Variants in SNRNP200 observed in about 807,000 individuals in gnomAD.
SNRNP200 encodes the protein U5 small nuclear ribonucleoprotein 200 kDa helicase.
SNRNP200 carries 66 observed loss-of-function variants against 255.2 expected under a neutral mutation model. The observed-to-expected ratio is 0.26, with a 90% CI of 0.21 to 0.32. The LOEUF (loss-of-function observed/expected upper bound fraction) is 0.32. SNRNP200 is among the 10% of genes least tolerant of loss of function. The probability of loss-of-function intolerance (pLI) is 1.00; values close to 1 mark genes in which losing one functional copy is unlikely to be tolerated. For synonymous variants in SNRNP200, 939 were observed against 1,027.8 expected (o/e 0.91, Z 1.65); for missense variants, 1,585 against 2,749.8 (o/e 0.58, Z 9.47).
chr2:96,279,342 G>A, intron 36 of SNRNP200, 109 bp downstream of exon 36: 1 of 797,068 alleles, frequency 1.3e-6, no homozygotes, highest in Non-Finnish European at 2.1e-6. Context: ...GTAAATAAGA[G>A]AGGCAGAAGT....
chr2:96,277,422 G>A lies in SNRNP200; in HGVS notation c.5931+117C>T, dbSNP rs1379570960. ...AGCATCTCAACAGGGAGCACCTTCG[G>A]AGGAACCATAACTAAAAGTTTAACT... is the stretch of plus-strand genomic sequence containing the variant. On this transcript the variant is annotated intron_variant, in intron 41 of 44. Transcript: ENST00000323853. This position sits in a 1 kb window ranked among gnomAD's most constrained non-coding sequence, Gnocchi z 4.4. 4.4e-6 allele frequency: 6 copies of A among 1,369,528 alleles called. No individual in the cohort carries two copies. In the East Asian group the frequency reaches 1.1e-4, roughly 26 times the overall value. 84.8% of individuals were successfully genotyped at this position (1,369,528 alleles called of 1,614,324 possible).
Position 96,296,644 on chromosome 2 carries a change from A to G in SNRNP200, c.1563T>C (p.Ile521=). 6.2e-7 allele frequency: 1 copy of G among 1,613,966 alleles called. No individual in the cohort carries two copies. The highest frequency in any genetic ancestry group is 8.5e-7 in the Non-Finnish European group (1 of 1,180,000). The change falls in exon 13 of 45, where the codon ATT becomes ATC. Residue 521 remains isoleucine (I), a synonymous_variant. Transcript: ENST00000323853. ...TGCCGTCCATGTTTATGTGTTTCCCAATCTCTCGGAGCATGCACATCAGGG... is the reference window on the plus strand; with the variant it reads ...TGCCGTCCATGTTTATGTGTTTCCCGATCTCTCGGAGCATGCACATCAGGG... ...NVALMCMLRE[I]GKHINMDGTI...
Position 96,287,801 on chromosome 2 carries a change from C to G in SNRNP200, c.3365+62G>C. ...CAGATGCACCCTGAGGCTTTCCCAT[C>G]AGACCCTTGGGTTGGGGACCCCCAC... On this transcript the variant is annotated intron_variant, in intron 25 of 44. Coordinates refer to ENST00000323853, the MANE Select transcript of SNRNP200 (RefSeq NM_014014.5). The surrounding 1 kb of genome is among the most constrained non-coding windows in gnomAD (Gnocchi z 5.7). 7.1e-7 allele frequency: 1 copy of G among 1,402,768 alleles called. No homozygotes were observed. Among genetic ancestry groups the G allele is most frequent in the Non-Finnish European group, 1.0e-6 (1 of 987,164 alleles). 86.9% of individuals were successfully genotyped at this position (1,402,768 alleles called of 1,614,324 possible).
rs748815939 is a variant in SNRNP200, at chr2:96,277,281, G to A, written c.5932-40C>T. The A allele has an allele frequency of 3.7e-6, 6 of 1,608,998 alleles. No individual in the cohort carries two copies. The South Asian group carries it at 4.4e-5, about 12-fold the overall frequency. On this transcript the variant is annotated intron_variant, in intron 41 of 44. Coordinates refer to ENST00000323853, the MANE Select transcript of SNRNP200 (RefSeq NM_014014.5). The surrounding 1 kb of genome is among the most constrained non-coding windows in gnomAD (Gnocchi z 4.4). ...CAGACGTCAGGAAAGAGAGAACACG[G>A]GCCAACAGCAAATGACACAGGCAGC...
At position 96,291,343 on chromosome 2, in the gene SNRNP200, T is replaced by G. The variant is rs1478471411; in HGVS notation, c.2421+49A>C. ...TGGCACAAACTTGACATTGCCCATC[T>G]TCTGAAGTATGTCCCACCTGCTCCT... On this transcript the variant is annotated intron_variant, in intron 18 of 44. Coordinates refer to ENST00000323853, the MANE Select transcript of SNRNP200 (RefSeq NM_014014.5). This position sits in a 1 kb window ranked among gnomAD's most constrained non-coding sequence, Gnocchi z 4.2. The G allele has an allele frequency of 9.6e-7, 1 of 1,043,120 alleles. No individual in the cohort carries two copies. Among genetic ancestry groups the G allele is most frequent in the African/African-American group, 1.6e-5 (1 of 64,246 alleles). The allele number at this position is 1,043,120 out of a possible 1,614,324, so 64.6% of individuals were successfully genotyped here.
chr2:96,280,631 C>T (rs1347808567), intron 35 of SNRNP200, among the ~76,000 whole-genome samples: 5 of 151,980 alleles, frequency 3.3e-5, no homozygotes, highest in African/African-American at 1.2e-4. Flanking sequence ...CTCACTGCAA[C>T]CTCCGCCTCC....
rs1684691120 is a variant in SNRNP200, at chr2:96,277,718, G to A, written c.5755-3C>T. 6.2e-7 allele frequency: 1 copy of A among 1,614,012 alleles called. No individual in the cohort carries two copies. The highest frequency in any genetic ancestry group is 1.3e-5 in the African/African-American group (1 of 74,932). The stretch of plus-strand genomic sequence containing the variant: ...CAGGCCTGGATGAGCCGGATTGCCT[G>A]AACAGGAAAAGGAGTATAAAAGTGG... On this transcript the variant is annotated splice_polypyrimidine_tract_variant and splice_region_variant and intron_variant, in intron 40 of 44. Coordinates refer to ENST00000323853, the MANE Select transcript of SNRNP200 (RefSeq NM_014014.5). This position sits in a 1 kb window ranked among gnomAD's most constrained non-coding sequence, Gnocchi z 4.4.
intron 34 of SNRNP200, chr2:96,282,316 G>A (rs2063804903): frequency 4.5e-6 from 1 of 222,968 alleles, no homozygotes; most frequent in Non-Finnish European, 9.3e-6. Flanking sequence ...AAGGGCCAAA[G>A]AGTGACAGGA....
In SNRNP200 at chr2:96,299,371, C is replaced by G. The variant is rs1558771619; in HGVS notation, c.687G>C (p.Met229Ile). Reference sequence around the variant, plus strand: ...AGCGCACGACAGCCTCGTCCCCTTCCATGTCATCATCAGATGCCTCTTCTC... The same window carrying G: ...AGCGCACGACAGCCTCGTCCCCTTCGATGTCATCATCAGATGCCTCTTCTC... ...EVREEASDDD[M>I]EGDEAVVRCT... The change falls in exon 6 of 45, where the codon ATG becomes ATC. Residue 229 changes from methionine to isoleucine, a missense_variant. Physicochemically the swap from Met to Ile is conservative, Grantham distance 10 (BLOSUM62 1). This residue lies in a region of SNRNP200 where 383 missense variants were observed against 645.3 expected (regional missense o/e 0.59). Coordinates refer to ENST00000323853, the MANE Select transcript of SNRNP200 (RefSeq NM_014014.5). 1.2e-6 allele frequency: 2 copies of G among 1,614,146 alleles called. No homozygotes were observed.
At chr2:96,284,217 G>T in intron 31 of SNRNP200, 141 bp downstream of exon 31, 2 of 891,992 alleles carry the variant, frequency 2.2e-6, no homozygotes, top group Non-Finnish European at 3.6e-6. Context: ...AGTTAACATT[G>T]TCCCTTTGGA....
intron 3 of SNRNP200, among the ~76,000 whole-genome samples, chr2:96,302,073 A>G (rs143591646): frequency 2.0e-5 from 3 of 152,322 alleles, no homozygotes; most frequent in Non-Finnish European, 4.4e-5. Flanking sequence ...ATGGTCCCCA[A>G]TCTAATCACA....
chr2:96,284,307 G>A, intron 31 of SNRNP200, 51 bp downstream of exon 31: 1 of 1,514,982 alleles, frequency 6.6e-7, no homozygotes, highest in Non-Finnish European at 9.2e-7. Flanking sequence ...CAATGCCAAG[G>A]CCACTTGGTC....
chr2:96,289,000 C>G, intron 23 of SNRNP200, 37 bp downstream of exon 23: 1 of 1,550,978 alleles, frequency 6.4e-7, no homozygotes, highest in Non-Finnish European at 8.8e-7. Flanking sequence ...ACCACTTAAT[C>G]CTCATCCTTA....
chr2:96,276,322 C>T (rs1256811407), intron 43 of SNRNP200: 10 of 159,548 alleles, frequency 6.3e-5, no homozygotes, highest in Admixed American at 1.2e-4. Context: ...GCCCAAGTGT[C>T]CTGCAGCCAT....
rs189361486 is a variant in SNRNP200 at position 96,274,975 on chromosome 2, T to C, written c.*37A>G. The C allele has an allele frequency of 8.9e-4, 1,435 of 1,611,670 alleles. 5 individuals carry two copies. The highest frequency in any genetic ancestry group is 7.4e-3 in the Middle Eastern group (36 of 4,872). On this transcript the variant is annotated 3_prime_UTR_variant, in exon 45 of 45. Transcript: ENST00000323853. The stretch of plus-strand genomic sequence containing the variant: ...CAATGTACACATTCCTAATTCAGGC[T>C]CAACTCTCCTTTACCCAAAAGTAAA...
intron 35 of SNRNP200, 57 bp downstream of exon 35, chr2:96,281,757 T>C (rs1170333131): frequency 6.0e-6 from 8 of 1,324,032 alleles, no homozygotes; most frequent in African/African-American, 1.4e-5. Flanking sequence ...TATCTGCAGA[T>C]TCACATTCAT....
intron 29 of SNRNP200, among the ~76,000 whole-genome samples, chr2:96,285,954 C>T (rs979094381): frequency 2.6e-5 from 4 of 152,184 alleles, no homozygotes; most frequent in African/African-American, 9.7e-5. Context: ...GAAACAGTGC[C>T]TGCTCTGTGA....
intron 1 of SNRNP200, 137 bp downstream of exon 1, chr2:96,305,256 C>A: frequency 8.6e-7 from 1 of 1,167,816 alleles, no homozygotes; most frequent in South Asian, 1.2e-5. Flanking sequence ...TCGTATAACC[C>A]CCACCTTCAC....
At chr2:96,280,184 C>G (rs1040886403) in intron 35 of SNRNP200, among the ~76,000 whole-genome samples, 11 of 152,194 alleles carry the variant, frequency 7.2e-5, no homozygotes, top group African/African-American at 1.9e-4. Flanking sequence ...TCAAACTAAT[C>G]TGCATTTCAG....
Sources: allele counts gnomAD v4.1 joint callset (sites outside exome capture counted in the v4.1 genomes callset), GRCh38; gene constraint gnomAD v4.1.1; regional missense constraint gnomAD v4.1.1; non-coding constraint Gnocchi (gnomAD v3.1); transcripts MANE v1.5; gene names NCBI Gene and HGNC (gene_info 2026-07-23, HGNC 2026-07-21).